The following DCP1B variants were observed in gnomAD, a reference collection of about 807,000 sequenced individuals.
DCP1B encodes mRNA-decapping enzyme 1B.
A neutral mutation model predicts 60.5 loss-of-function variants in DCP1B; 47 were observed. The ratio of observed to expected loss-of-function variants is 0.78; its 90% CI spans 0.61 to 0.99. The LOEUF (loss-of-function observed/expected upper bound fraction) is 0.99, where lower values mean the gene tolerates loss of function less well. Among genes scored for constraint, DCP1B ranks in the 50% least tolerant of loss-of-function variants. The pLI, the probability that DCP1B is intolerant of heterozygous loss-of-function variation, is 0.00. For missense variants in DCP1B, 725 were observed against 756.8 expected (o/e 0.96, Z 0.49); for synonymous variants, 267 against 280.3 (o/e 0.95, Z 0.47).
intron 1 of DCP1B, among the ~76,000 whole-genome samples, chr12:2,002,501 T>C (rs1284635877): frequency 6.6e-6 from 1 of 152,236 alleles, no homozygotes; most frequent in Non-Finnish European, 1.5e-5. Flanking sequence ...AATTAATGCA[T>C]TGTGACACAT....
chr12:1,986,228 T>C (rs12302074), intron 3 of DCP1B, among the ~76,000 whole-genome samples: 2,131 of 152,328 alleles, frequency 0.014, 49 homozygotes, highest in African/African-American at 0.049. Context: ...TCCTGGGTTC[T>C]GTTACATGTA....
chr12:1,976,099 T>C (rs915344557), intron 3 of DCP1B, among the ~76,000 whole-genome samples: 4 of 144,092 alleles, frequency 2.8e-5, no homozygotes, highest in African/African-American at 7.3e-5. Flanking sequence ...TTTAGATGGA[T>C]AGTTTTCTTT....
Position 1,953,215 on chromosome 12 carries a change from T to A in DCP1B, c.725A>T (p.Glu242Val). 3 of 1,608,064 alleles carry A rather than the reference T, an allele frequency of 1.9e-6. No individual in the cohort carries two copies. Among genetic ancestry groups the A allele is most frequent in the Non-Finnish European group, 2.5e-6 (3 of 1,179,996 alleles). Residue 242 changes from glutamate to valine, a missense_variant, in exon 7 of 9, where the codon GAA (glutamate) becomes GTA (valine). Glu to Val is a moderately radical substitution (Grantham distance 121). Transcript: ENST00000280665. The part of the protein sequence containing the change: ...FGKQDKATCQ[E>V]TVEPPQTLHQ... ...GAGAGTCTGCGGAGGCTCCACAGTTTCCTGACATGTAGCTTTGTCCTGCTT... is the reference window on the plus strand; with the variant it reads ...GAGAGTCTGCGGAGGCTCCACAGTTACCTGACATGTAGCTTTGTCCTGCTT...
At position 1,962,953 on chromosome 12, in the gene DCP1B, A is replaced by G. The variant is rs542811156; in HGVS notation, c.522+2605T>C. Among the ~76,000 whole-genome samples the G allele has an allele frequency of 6.6e-6, 1 of 152,246 alleles. No homozygotes were observed. The highest frequency in any genetic ancestry group is 6.5e-5 in the Admixed American group (1 of 15,302). Reference sequence around the variant, plus strand: ...GCCTATATGTGCCACTTCATTCAGGATTTTTCTGATTGCTTCCTCATAGCA... The same window carrying G: ...GCCTATATGTGCCACTTCATTCAGGGTTTTTCTGATTGCTTCCTCATAGCA... On this transcript the variant is annotated intron_variant, in intron 5 of 8. Transcript: ENST00000280665. The surrounding 1 kb of genome is among the most constrained non-coding windows in gnomAD (Gnocchi z 4.4).
chr12:1,958,097 C>G (rs753753611), intron 5 of DCP1B, among the ~76,000 whole-genome samples: 75 of 149,852 alleles, frequency 5.0e-4, no homozygotes, highest in Non-Finnish European at 9.9e-4. Context: ...TTTCTATGAA[C>G]CTCCTGGAAG....
chr12:1,981,005 A>T (rs972220575), intron 3 of DCP1B, among the ~76,000 whole-genome samples: 1 of 152,158 alleles, frequency 6.6e-6, no homozygotes, highest in African/African-American at 2.4e-5. Context: ...TATTATATAT[A>T]TGCATTATAC....
intron 5 of DCP1B, among the ~76,000 whole-genome samples, chr12:1,960,982 G>T (rs1372554492): frequency 6.6e-6 from 1 of 152,184 alleles, no homozygotes; most frequent in Admixed American, 6.5e-5. Flanking sequence ...TGTGAGTGCA[G>T]AGACAACACA....
Position 1,979,105 on chromosome 12 carries a change from C to T in DCP1B, c.320-11195G>A, listed in dbSNP as rs377040977. On this transcript the variant is annotated intron_variant, in intron 3 of 8. Coordinates refer to ENST00000280665, the MANE Select transcript of DCP1B (RefSeq NM_152640.5). Reference sequence around the variant, plus strand: ...GCTCACTGCTGCAACCTCCGCCTCCCGCGTTCAAGAAATTCTCCTGCCTCA... The same window carrying T: ...GCTCACTGCTGCAACCTCCGCCTCCTGCGTTCAAGAAATTCTCCTGCCTCA... Among the ~76,000 whole-genome samples, 25 of 151,804 alleles carry T rather than the reference C, an allele frequency of 1.6e-4. No individual in the cohort carries two copies. The East Asian group carries it at 2.3e-3, about 14-fold the overall frequency.
Position 1,946,104 on chromosome 12 carries a change from T to A in DCP1B, c.*102A>T, listed in dbSNP as rs568188276. 4.5e-4 allele frequency: 419 copies of A among 927,986 alleles called. 2 individuals carry two copies. Among genetic ancestry groups the A allele is most frequent in the South Asian group, 2.6e-3 (107 of 41,744 alleles). 57.5% of individuals were successfully genotyped at this position (927,986 alleles called of 1,614,324 possible). ...CTTCATATTACACATACTTTTTTTT[T>A]AAAAAAGGCAGAAACATTGAAGGAA... On this transcript the variant is annotated 3_prime_UTR_variant, in exon 9 of 9. Coordinates refer to ENST00000280665, the MANE Select transcript of DCP1B (RefSeq NM_152640.5).
rs779426933 is a variant in DCP1B, at chr12:1,952,861, T to G, written c.1079A>C (p.Gln360Pro). ...SRTQNLFEKL[Q>P]STPGAANKCD... The stretch of plus-strand genomic sequence containing the variant: ...CTTGTTTGCTGCCCCTGGGGTACTC[T>G]GAAGTTTCTCGAACAGGTTCTGAGT... Residue 360 changes from glutamine (Q) to proline (P), a missense_variant, in exon 7 of 9, where the codon CAG becomes CCG. Coordinates refer to ENST00000280665, the MANE Select transcript of DCP1B (RefSeq NM_152640.5). 1.3e-5 allele frequency: 21 copies of G among 1,614,106 alleles called. No individual in the cohort carries two copies. The highest frequency in any genetic ancestry group is 1.7e-5 in the Non-Finnish European group (20 of 1,180,048).
chr12:1,946,273 A>G lies in DCP1B; in HGVS notation c.1787T>C (p.Phe596Ser). 1 of 1,603,532 alleles carries G rather than the reference A, an allele frequency of 6.2e-7. No individual in the cohort carries two copies. Among genetic ancestry groups the G allele is most frequent in the South Asian group, 1.1e-5 (1 of 88,078 alleles). Residue 596 changes from phenylalanine to serine, a missense_variant, in exon 9 of 9, where the codon TTC (phenylalanine) becomes TCC (serine). Phe to Ser is a radical substitution (Grantham distance 155). Coordinates refer to ENST00000280665, the MANE Select transcript of DCP1B (RefSeq NM_152640.5). ...ATAGGCTTCATAGATTATATTTAAGAAGTTGTCATCATTCTGGAAAACAAA... is the reference window on the plus strand; with the variant it reads ...ATAGGCTTCATAGATTATATTTAAGGAGTTGTCATCATTCTGGAAAACAAA... ...LLYLIQNDDN[F>S]LNIIYEAYLF...
intron 5 of DCP1B, among the ~76,000 whole-genome samples, chr12:1,963,129 C>T (rs2031180355): frequency 6.6e-6 from 1 of 152,246 alleles, no homozygotes; most frequent in African/African-American, 2.4e-5. Context: ...CATTTGACAT[C>T]TTATCACATT....
chr12:1,952,552 T>C lies in DCP1B; in HGVS notation c.1388A>G (p.Gln463Arg). ...LKKLQIVQQE[Q>R]QLHASNRPAL... Reference sequence around the variant, plus strand: ...TGGCCGGTTAGAGGCATGCAGCTGCTGCTCCTGCTGTACAATCTGAAGCTT... The same window carrying C: ...TGGCCGGTTAGAGGCATGCAGCTGCCGCTCCTGCTGTACAATCTGAAGCTT... Residue 463 changes from glutamine to arginine, a missense_variant, in exon 7 of 9, where the codon CAG becomes CGG. Gln to Arg is a conservative substitution (Grantham distance 43). Coordinates refer to ENST00000280665, the MANE Select transcript of DCP1B (RefSeq NM_152640.5). 2 of 1,614,226 alleles carry C rather than the reference T, an allele frequency of 1.2e-6. No homozygotes were observed. Among genetic ancestry groups the C allele is most frequent in the African/African-American group, 1.3e-5 (1 of 75,052 alleles).
intron 8 of DCP1B, among the ~76,000 whole-genome samples, chr12:1,946,543 C>T (rs2030431818): frequency 6.6e-6 from 1 of 152,202 alleles, no homozygotes; most frequent in Non-Finnish European, 1.5e-5. Flanking sequence ...GCAGCCCAGA[C>T]ACATGGCAGC....
chr12:1,996,730 G>A (rs533147137), intron 2 of DCP1B, among the ~76,000 whole-genome samples: 30 of 148,148 alleles, frequency 2.0e-4, no homozygotes, highest in African/African-American at 6.5e-4. Context: ...CTTGGGCCAC[G>A]TGTCCTATGG....
intron 2 of DCP1B, among the ~76,000 whole-genome samples, chr12:1,994,689 T>C (rs572169588): frequency 1.3e-5 from 2 of 152,216 alleles, no homozygotes; most frequent in Non-Finnish European, 2.9e-5. Flanking sequence ...AAATGATTTT[T>C]TAAATGGGAT....
intron 2 of DCP1B, among the ~76,000 whole-genome samples, chr12:1,997,512 G>A (rs1396841752): frequency 6.6e-6 from 1 of 152,192 alleles, no homozygotes; most frequent in Non-Finnish European, 1.5e-5. Context: ...TGGTGACAGA[G>A]CGAGACTCCA....
At chr12:1,961,071 C>T (rs527709891) in intron 5 of DCP1B, among the ~76,000 whole-genome samples, 5 of 152,218 alleles carry the variant, frequency 3.3e-5, no homozygotes, top group East Asian at 1.9e-4. Context: ...CTAGTTAGGC[C>T]GGCCAAAAAT....
chr12:2,002,383 C>T (rs2154479463), intron 1 of DCP1B, among the ~76,000 whole-genome samples: 1 of 152,326 alleles, frequency 6.6e-6, no homozygotes, highest in Middle Eastern at 3.4e-3. Context: ...GTTTTTCTGG[C>T]TACCACAGCC....
Sources: gnomAD v4.1 joint callset for allele counts (sites outside exome capture counted in the v4.1 genomes callset) on GRCh38, gnomAD v4.1.1 for gene constraint, Gnocchi (gnomAD v3.1) non-coding constraint, MANE v1.5 for transcripts, NCBI Gene and HGNC (gene_info 2026-07-23, HGNC 2026-07-21) for gene names.